ACOT12: variants seen among roughly 807,000 people sequenced by gnomAD.
The protein encoded by ACOT12 is acyl-CoA thioesterase 12.
A neutral mutation model predicts 67.7 loss-of-function variants in ACOT12; 51 were observed. The ratio of observed to expected loss-of-function variants is 0.75; its 90% CI spans 0.60 to 0.95. The LOEUF (loss-of-function observed/expected upper bound fraction) is 0.95, where lower values mean the gene tolerates loss of function less well. ACOT12 is among the 40% of genes least tolerant of loss of function. ACOT12 has a pLI of 0.00. For missense variants in ACOT12, 734 were observed against 708.1 expected (o/e 1.04, Z -0.41); for synonymous variants, 251 against 244.6 (o/e 1.03, Z -0.24).
chr5:81,335,148 A>G (rs901905200), intron 12 of ACOT12, among the ~76,000 whole-genome samples: 1 of 152,178 alleles, frequency 6.6e-6, no homozygotes, highest in Non-Finnish European at 1.5e-5. Flanking sequence ...AGCATGACAG[A>G]CTTGGGTTCC....
At chr5:81,311,831 G>A in the ACOT12 span, among the ~76,000 whole-genome samples, 1 of 152,172 alleles carries the variant, frequency 6.6e-6, no homozygotes, top group South Asian at 2.1e-4. Flanking sequence ...AGACTTTTAA[G>A]GAAGTGGAGA....
the ACOT12 span, among the ~76,000 whole-genome samples, chr5:81,317,111 T>C: frequency 8.5e-5 from 13 of 152,334 alleles, no homozygotes; most frequent in South Asian, 1.7e-3. Flanking sequence ...GGTGTTATCT[T>C]TGATGTCACA....
At position 81,347,827 on chromosome 5, in the gene ACOT12, T is replaced by A; in HGVS notation, c.600A>T (p.Thr200=). 7 of 1,614,156 alleles carry A rather than the reference T, an allele frequency of 4.3e-6. No homozygotes were observed. The highest frequency in any genetic ancestry group is 5.9e-6 in the Non-Finnish European group (7 of 1,180,020). The stretch of plus-strand genomic sequence containing the variant: ...TCCACGCCATAATCTGGCCACCAAA[T>A]GTATTTCCGTGATGGTTTGCATGGG... ...LPPHANHHGN[T]FGGQIMAWME... Residue 200 remains threonine, a synonymous_variant, in exon 6 of 15, where the codon ACA becomes ACT. Transcript: ENST00000307624.
chr5:81,357,893 C>T (rs879929411), intron 5 of ACOT12, among the ~76,000 whole-genome samples: 38 of 151,548 alleles, frequency 2.5e-4, no homozygotes, highest in Non-Finnish European at 5.0e-4. Context: ...GTAGTCCCAG[C>T]TACTCTGGAG....
intron 3 of ACOT12, among the ~76,000 whole-genome samples, chr5:81,368,692 A>G (rs1248403196): frequency 6.6e-6 from 1 of 152,102 alleles, no homozygotes; most frequent in Non-Finnish European, 1.5e-5. Flanking sequence ...TTAAATGCTT[A>G]TATTTGAAAA....
intron 2 of ACOT12, among the ~76,000 whole-genome samples, chr5:81,373,042 G>A (rs1005295382): frequency 1.3e-4 from 20 of 152,198 alleles, no homozygotes. Flanking sequence ...TGAATGTTGT[G>A]TGTAAATCAG....
At chr5:81,344,094 G>C in intron 9 of ACOT12, 66 bp downstream of exon 9, 1 of 1,524,668 alleles carries the variant, frequency 6.6e-7, no homozygotes, top group Non-Finnish European at 9.0e-7. Flanking sequence ...ACCCAGAGGG[G>C]GGCTCTTATA....
In ACOT12 at chr5:81,363,820, T is replaced by C. The variant is rs1230517615; in HGVS notation, c.328A>G (p.Thr110Ala). The change falls in exon 4 of 15, where the codon ACA (threonine) becomes GCA (alanine). Residue 110 changes from threonine to alanine, a missense_variant. Physicochemically the swap from Thr to Ala is moderately conservative, Grantham distance 58. Coordinates refer to ENST00000307624, the MANE Select transcript of ACOT12 (RefSeq NM_130767.3). ...IEKLVSVAFS[T>A]FVAKPVGKEK... The stretch of plus-strand genomic sequence containing the variant: ...TTTCCAACTGGTTTGGCTACAAATG[T>C]GGAGAAAGCCACACTAACAAGCTTC... The C allele has an allele frequency of 1.2e-6, 2 of 1,612,058 alleles. No homozygotes were observed. Among genetic ancestry groups the C allele is most frequent in the African/African-American group, 1.3e-5 (1 of 74,956 alleles).
At chr5:81,308,673 A>G in the ACOT12 span, 1 of 1,613,310 alleles carries the variant, frequency 6.2e-7, no homozygotes, top group African/African-American at 1.3e-5. Context: ...ACAGAGCACG[A>G]AATAACCAAG....
At chr5:81,333,332 C>T (rs1015137478) in intron 12 of ACOT12, among the ~76,000 whole-genome samples, 1 of 152,198 alleles carries the variant, frequency 6.6e-6, no homozygotes, top group African/African-American at 2.4e-5. Flanking sequence ...GGAAACCGCA[C>T]TAGCTTTGGA....
chr5:81,343,475 A>C (rs976031929), intron 10 of ACOT12, among the ~76,000 whole-genome samples: 1 of 152,156 alleles, frequency 6.6e-6, no homozygotes. Context: ...AAAATATTCA[A>C]ATGACTACTA....
intron 5 of ACOT12, among the ~76,000 whole-genome samples, chr5:81,357,752 C>A (rs1580560046): frequency 6.6e-6 from 1 of 152,036 alleles, no homozygotes; most frequent in Non-Finnish European, 1.5e-5. Flanking sequence ...ACACCTGTAA[C>A]CCCAGCACTT....
chr5:81,344,778 G>A, intron 8 of ACOT12, 113 bp downstream of exon 8: 4 of 1,328,570 alleles, frequency 3.0e-6, no homozygotes, highest in Admixed American at 4.2e-5. Flanking sequence ...ATGCTGAAAA[G>A]AGGGAAAACC....
the ACOT12 span, among the ~76,000 whole-genome samples, chr5:81,324,024 C>T: frequency 2.6e-5 from 4 of 151,938 alleles, no homozygotes; most frequent in South Asian, 8.3e-4. Context: ...TCACTGCAAC[C>T]TCTGTCTCCT....
chr5:81,344,025 T>C, intron 9 of ACOT12, 135 bp downstream of exon 9: 1 of 1,232,946 alleles, frequency 8.1e-7, no homozygotes, highest in South Asian at 1.4e-5. Flanking sequence ...AAGTCAGTAG[T>C]CAGCCTTTGC....
intron 5 of ACOT12, among the ~76,000 whole-genome samples, chr5:81,358,007 CAAAA>C (rs777333534): frequency 5.3e-3 from 378 of 71,050 alleles, no homozygotes; most frequent in African/African-American, 0.015. Context: ...CCCCATCTCA[CAAAA>C]AAAAAAAAAA....
At chr5:81,335,938 A>G (rs1029549605) in intron 11 of ACOT12, 37 bp from the exon 12 acceptor site, 3 of 1,582,722 alleles carry the variant, frequency 1.9e-6, no homozygotes, top group Admixed American at 1.8e-5. Context: ...ACGAAAGAAA[A>G]CTGATGCTTT....
intron 12 of ACOT12, among the ~76,000 whole-genome samples, chr5:81,333,292 G>A (rs530757326): frequency 8.5e-5 from 13 of 152,292 alleles, no homozygotes; most frequent in African/African-American, 2.9e-4. Flanking sequence ...AAGAAGGATT[G>A]TTTATATAGA....
At chr5:81,384,961 T>G (rs1337291721) in intron 2 of ACOT12, among the ~76,000 whole-genome samples, 1 of 152,202 alleles carries the variant, frequency 6.6e-6, no homozygotes, top group African/African-American at 2.4e-5. Context: ...TATGTATGTT[T>G]GAAATGTTTG....
Sources: gnomAD v4.1 joint callset for allele counts (sites outside exome capture counted in the v4.1 genomes callset) on GRCh38, gnomAD v4.1.1 for gene constraint, MANE v1.5 for transcripts, NCBI Gene and HGNC (gene_info 2026-07-23, HGNC 2026-07-21) for gene names.